Variants in PEX5L observed in about 807,000 individuals in gnomAD.
PEX5L encodes peroxisomal biogenesis factor 5 like, also known as PEX5-related protein.
In PEX5L, 30 loss-of-function variants were observed where a neutral mutation model predicts 84.0. The ratio of observed to expected loss-of-function variants is 0.36; its 90% CI spans 0.27 to 0.48. The LOEUF is 0.48. PEX5L is among the 20% of genes least tolerant of loss of function. The pLI is 0.99. For missense variants in PEX5L, 533 were observed against 754.6 expected (o/e 0.71, Z 3.44); for synonymous variants, 270 against 283.1 (o/e 0.95, Z 0.46).
chr3:179,958,835 C>T (rs1292236239), intron 2 of PEX5L, among the ~76,000 whole-genome samples: 1 of 151,804 alleles, frequency 6.6e-6, no homozygotes, highest in Non-Finnish European at 1.5e-5. Context: ...TTCCTGACAC[C>T]AAAAATTGGA....
At chr3:180,008,907 C>T (rs928393961) in intron 1 of PEX5L, among the ~76,000 whole-genome samples, 1 of 152,186 alleles carries the variant, frequency 6.6e-6, no homozygotes, top group African/African-American at 2.4e-5. Flanking sequence ...CTTTTTCATT[C>T]AGCTCAAACA....
At chr3:179,807,609 C>T in intron 14 of PEX5L, 65 bp downstream of exon 14, 1 of 1,491,000 alleles carries the variant, frequency 6.7e-7, no homozygotes, top group Non-Finnish European at 9.2e-7. Context: ...TGGAAACAAC[C>T]TTTCAGATTA....
At chr3:179,813,876 C>T (rs1385779587) in intron 10 of PEX5L, among the ~76,000 whole-genome samples, 1 of 151,298 alleles carries the variant, frequency 6.6e-6, no homozygotes, top group African/African-American at 2.4e-5. Flanking sequence ...CGGGGTTTCA[C>T]CTTGTTAGCC....
intron 2 of PEX5L, among the ~76,000 whole-genome samples, chr3:179,903,376 C>G (rs1762077787): frequency 1.3e-5 from 2 of 151,994 alleles, no homozygotes; most frequent in Non-Finnish European, 2.9e-5. Flanking sequence ...TGTGTGCCAC[C>G]ACACTCTGCT....
intron 1 of PEX5L, among the ~76,000 whole-genome samples, chr3:180,012,734 A>G (rs961908148): frequency 6.6e-6 from 1 of 152,174 alleles, no homozygotes; most frequent in African/African-American, 2.4e-5. Context: ...TATATGAAAT[A>G]TATAGCATAC....
chr3:179,976,464 G>A (rs1438820724), intron 1 of PEX5L, among the ~76,000 whole-genome samples: 3 of 151,996 alleles, frequency 2.0e-5, no homozygotes, highest in Admixed American at 2.0e-4. Flanking sequence ...GGGGGAAGGA[G>A]TCTCGCTCTG....
At chr3:179,937,849 T>C (rs1479509621) in intron 2 of PEX5L, among the ~76,000 whole-genome samples, 4 of 152,212 alleles carry the variant, frequency 2.6e-5, no homozygotes. Flanking sequence ...TTCTCCTGTG[T>C]GAAATGATAA....
chr3:179,899,302 T>C (rs1294286780), intron 2 of PEX5L, among the ~76,000 whole-genome samples: 1 of 152,140 alleles, frequency 6.6e-6, no homozygotes, highest in Non-Finnish European at 1.5e-5. Context: ...TTCTCAGGTC[T>C]CTGGGTAAAG....
chr3:179,962,124 T>C (rs1157287442), intron 2 of PEX5L, among the ~76,000 whole-genome samples: 1 of 152,260 alleles, frequency 6.6e-6, no homozygotes, highest in Non-Finnish European at 1.5e-5. Flanking sequence ...TTAGGAGGTA[T>C]CTAATATAAA....
intron 8 of PEX5L, 166 bp from the exon 9 acceptor site, chr3:179,820,142 G>T: frequency 1.2e-6 from 1 of 853,966 alleles, no homozygotes; most frequent in Non-Finnish European, 1.8e-6. Context: ...GTACTCACTG[G>T]TCAGAGTGTT....
intron 1 of PEX5L, among the ~76,000 whole-genome samples, chr3:179,999,429 C>T (rs1313469119): frequency 6.6e-6 from 1 of 152,146 alleles, no homozygotes; most frequent in Non-Finnish European, 1.5e-5. Context: ...CACATGGGCT[C>T]AGCAACATGG....
At chr3:180,019,936 G>C (rs897391079) in intron 1 of PEX5L, among the ~76,000 whole-genome samples, 1 of 152,184 alleles carries the variant, frequency 6.6e-6, no homozygotes, top group African/African-American at 2.4e-5. Flanking sequence ...ATCGACAAGA[G>C]TCAGAAATCA....
chr3:179,968,140 A>C (rs1203547368), intron 2 of PEX5L, among the ~76,000 whole-genome samples: 1 of 152,168 alleles, frequency 6.6e-6, no homozygotes, highest in Non-Finnish European at 1.5e-5. Context: ...TATAATCAAA[A>C]TAGTCTATAA....
In PEX5L at chr3:179,795,204, A is replaced by C. The variant is rs1716455050; in HGVS notation, c.*6624T>G. 1 of 152,190 alleles carries C rather than the reference A, an allele frequency of 6.6e-6. No homozygotes were observed. The highest frequency in any genetic ancestry group is 6.5e-5 in the Admixed American group (1 of 15,278). 9.4% of individuals were successfully genotyped at this position (152,190 alleles called of 1,614,324 possible). On this transcript the variant is annotated 3_prime_UTR_variant, in exon 15 of 15. Coordinates refer to ENST00000467460, the MANE Select transcript of PEX5L (RefSeq NM_016559.3). Reference sequence around the variant, plus strand: ...TTGATCAGAAGGAGTTCTGATCCCCAAATCCCATTTTGAAAGATTCCTGAA... The same window carrying C: ...TTGATCAGAAGGAGTTCTGATCCCCCAATCCCATTTTGAAAGATTCCTGAA...
chr3:180,028,795 G>A (rs375349568), intron 1 of PEX5L, among the ~76,000 whole-genome samples: 4 of 152,280 alleles, frequency 2.6e-5, no homozygotes, highest in African/African-American at 9.6e-5. Flanking sequence ...TAACACCATC[G>A]TTGGAGACAT....
At chr3:179,813,039 C>T (rs1027746926) in intron 10 of PEX5L, among the ~76,000 whole-genome samples, 5 of 152,086 alleles carry the variant, frequency 3.3e-5, no homozygotes, top group Admixed American at 1.3e-4. Flanking sequence ...CTGATTATTC[C>T]TCCCTCCAAA....
At position 179,971,647 on chromosome 3, in the gene PEX5L, A is replaced by G; in HGVS notation, c.40T>C (p.Tyr14His). ...TCTTCATCACTGCTTAGTTTTCCAT[A>G]TCCTTGTTCTTTACTTTTCTTGTGA... The part of the protein sequence containing the change: ...GHMQKSKEQG[Y>H]GKLSSDEDLE... Residue 14 changes from tyrosine (Y) to histidine (H), a missense_variant, in exon 2 of 15, where the codon TAT becomes CAT. Coordinates refer to ENST00000467460, the MANE Select transcript of PEX5L (RefSeq NM_016559.3). The G allele has an allele frequency of 6.2e-7, 1 of 1,604,912 alleles. No homozygotes were observed.
chr3:179,863,571 T>C (rs1003671557), intron 7 of PEX5L, among the ~76,000 whole-genome samples: 2 of 152,128 alleles, frequency 1.3e-5, no homozygotes, highest in Non-Finnish European at 2.9e-5. Context: ...CCAATAGATA[T>C]ATGAACAAAA....
chr3:180,018,730 T>C (rs745771803), intron 1 of PEX5L, among the ~76,000 whole-genome samples: 1 of 152,114 alleles, frequency 6.6e-6, no homozygotes, highest in Non-Finnish European at 1.5e-5. Context: ...GAGGTAAACA[T>C]TTAGACAGCT....
Sources: allele counts gnomAD v4.1 joint callset (sites outside exome capture counted in the v4.1 genomes callset), GRCh38; gene constraint gnomAD v4.1.1; transcripts MANE v1.5; gene names NCBI Gene and HGNC (gene_info 2026-07-23, HGNC 2026-07-21).